Variants in FBXL2 observed in about 807,000 individuals in gnomAD.
FBXL2 encodes the protein F-box/LRR-repeat protein 2.
A neutral mutation model predicts 69.2 loss-of-function variants in FBXL2; 38 were observed. That is an observed-to-expected ratio of 0.55 (90% CI 0.42 to 0.72). FBXL2 has a LOEUF of 0.72. Among genes scored for constraint, FBXL2 ranks in the 30% least tolerant of loss-of-function variants. FBXL2 has a pLI of 0.00. For missense variants in FBXL2, 354 were observed against 520.3 expected, an observed-to-expected ratio of 0.68 and a Z score of 3.11; for synonymous variants, 192 against 201.3, an observed-to-expected ratio of 0.95 and a Z score of 0.39.
At chr3:33,343,687 G>A (rs1297356197) in intron 2 of FBXL2, among the ~76,000 whole-genome samples, 3 of 151,902 alleles carry the variant, frequency 2.0e-5, no homozygotes, top group Non-Finnish European at 4.4e-5. Flanking sequence ...CAATTATATA[G>A]TGTAATTTTC....
chr3:33,357,556 G>T (rs944354760), intron 2 of FBXL2, among the ~76,000 whole-genome samples: 2 of 144,438 alleles, frequency 1.4e-5, no homozygotes, highest in African/African-American at 5.1e-5. Context: ...TTTTGAGACG[G>T]AGTCTCGCTG....
At chr3:33,286,867 G>A (rs559206237) in intron 1 of FBXL2, among the ~76,000 whole-genome samples, 3 of 152,164 alleles carry the variant, frequency 2.0e-5, no homozygotes, top group African/African-American at 7.2e-5. Flanking sequence ...CTGGTGTGCC[G>A]TTTGCTAAGA....
chr3:33,351,046 A>G (rs187588179), intron 2 of FBXL2, among the ~76,000 whole-genome samples: 4 of 152,128 alleles, frequency 2.6e-5, no homozygotes, highest in African/African-American at 9.6e-5. Flanking sequence ...CAGGTGGATC[A>G]CCTGAGGTCA....
Position 33,375,296 on chromosome 3 carries a change from G to T in FBXL2, c.666G>T (p.Thr222=), listed in dbSNP as rs187890901. ...GTGCTGCTTTTCCTCAGCGTATCAC[G>T]GATGAAGGTGTGGTGCAGATATGCA... is the stretch of plus-strand genomic sequence containing the variant. The part of the protein sequence containing the change: ...SLNLQSCSRI[T]DEGVVQICRG... The change falls in exon 10 of 15, where the codon ACG becomes ACT. Residue 222 remains threonine (T), a synonymous_variant. Transcript: ENST00000484457. 1 of 1,613,578 alleles carries T rather than the reference G, an allele frequency of 6.2e-7. No individual in the cohort carries two copies. The highest frequency in any genetic ancestry group is 8.5e-7 in the Non-Finnish European group (1 of 1,179,628).
intron 12 of FBXL2, chr3:33,393,149 T>C: frequency 1.3e-6 from 1 of 790,250 alleles, no homozygotes; most frequent in Admixed American, 3.6e-5. Flanking sequence ...CTAGGATGCC[T>C]GAAACTCTTG....
chr3:33,277,511 C>A lies in FBXL2; in HGVS notation c.-2C>A. 1 of 1,303,792 alleles carries A rather than the reference C, an allele frequency of 7.7e-7. No homozygotes were observed. Among genetic ancestry groups the A allele is most frequent in the Non-Finnish European group, 9.8e-7 (1 of 1,017,588 alleles). The allele number at this position is 1,303,792 out of a possible 1,614,324, so 80.8% of individuals were successfully genotyped here. A position where few individuals can be genotyped will look rare whatever the true frequency, so the allele number is the denominator to read the frequency against. On this transcript the variant is annotated 5_prime_UTR_variant, in exon 1 of 15. Transcript: ENST00000484457. ...TGTGGGCTCGCTCGCGGCTCTTCGG[C>A]CATGGTGAGTCTGGGACCCGCGTCT...
chr3:33,393,963 A>G (rs577470755), intron 12 of FBXL2, among the ~76,000 whole-genome samples: 7 of 152,194 alleles, frequency 4.6e-5, no homozygotes, highest in African/African-American at 1.4e-4. Flanking sequence ...AAAATAATAT[A>G]TACTTCATGT....
At chr3:33,310,320 T>G (rs2037078285) in intron 2 of FBXL2, among the ~76,000 whole-genome samples, 1 of 151,852 alleles carries the variant, frequency 6.6e-6, no homozygotes, top group Non-Finnish European at 1.5e-5. Context: ...CCTGGCTAAT[T>G]TTTTGTATTT....
In FBXL2 at chr3:33,394,482, A is replaced by G. The variant is rs76959195; in HGVS notation, n.1215-8752A>G. ...TATGAAAAGCTAATATAAACAATGA[A>G]GTGTGATGCTTCCTTACAGAAAGCC... On this transcript the variant is annotated intron_variant and non_coding_transcript_variant, in intron 12 of 12. Coordinates refer to the FBXL2 transcript ENST00000463736. Among the ~76,000 whole-genome samples the G allele has an allele frequency of 1.7e-3, 263 of 150,814 alleles. 7 individuals carry two copies. In the East Asian group the frequency reaches 0.047, roughly 27 times the overall value.
chr3:33,291,209 G>A (rs982066581), intron 1 of FBXL2, among the ~76,000 whole-genome samples: 3 of 152,164 alleles, frequency 2.0e-5, no homozygotes, highest in Admixed American at 6.5e-5. Context: ...AATTACAGGC[G>A]TGAGCTACTG....
chr3:33,355,177 C>T (rs956023409), intron 2 of FBXL2, among the ~76,000 whole-genome samples: 1 of 152,094 alleles, frequency 6.6e-6, no homozygotes, highest in African/African-American at 2.4e-5. Flanking sequence ...TGATCCTCCT[C>T]CCTTAGCCTT....
the FBXL2 span, among the ~76,000 whole-genome samples, chr3:33,414,508 T>A: frequency 6.6e-6 from 1 of 152,022 alleles, no homozygotes; most frequent in East Asian, 1.9e-4. Context: ...ATTCAAGAAG[T>A]TCCAAAGCAC....
intron 12 of FBXL2, among the ~76,000 whole-genome samples, chr3:33,399,954 G>GT (rs150854235): frequency 0.013 from 2,014 of 152,260 alleles, 18 homozygotes; most frequent in South Asian, 0.026. Context: ...ATGAGGTCAC[G>GT]TAAGTCTGGT....
In FBXL2 at chr3:33,371,167, T is replaced by TC. The variant is rs1210307187; in HGVS notation, c.291-1925_291-1924insC. ...TTTATATCAGCCATTGTGGTTTTCA[T>TC]TTTTTTTTTTTTTTTGAGATGGAGT... is the stretch of plus-strand genomic sequence containing the variant. On this transcript the variant is annotated intron_variant, in intron 5 of 14. Coordinates refer to ENST00000484457, the MANE Select transcript of FBXL2 (RefSeq NM_012157.5). Among the ~76,000 whole-genome samples the TC allele has an allele frequency of 4.0e-5, 3 of 75,698 alleles. No individual in the cohort carries two copies. In the Admixed American group the frequency reaches 5.9e-4, roughly 15 times the overall value. 49.7% of individuals were successfully genotyped at this position (75,698 alleles called of 152,430 possible).
At chr3:33,321,076 G>A (rs912156079) in intron 2 of FBXL2, among the ~76,000 whole-genome samples, 1 of 151,884 alleles carries the variant, frequency 6.6e-6, no homozygotes, top group Non-Finnish European at 1.5e-5. Flanking sequence ...TTGGGAGGCC[G>A]AGGCAGATGG....
At chr3:33,297,811 C>T in intron 2 of FBXL2, 86 bp downstream of exon 2, 1 of 830,072 alleles carries the variant, frequency 1.2e-6, no homozygotes, top group Non-Finnish European at 2.0e-6. Flanking sequence ...ACTGTGAGTC[C>T]ATAGCATAGA....
chr3:33,394,191 T>TTTATTA (rs148929407), intron 12 of FBXL2, among the ~76,000 whole-genome samples: 12,655 of 143,330 alleles, frequency 0.088, 697 homozygotes, highest in Non-Finnish European at 0.12. Context: ...CTGGCTAATT[T>TTTATTA]TTATTATTAT....
intron 2 of FBXL2, among the ~76,000 whole-genome samples, chr3:33,327,958 C>A (rs1426335153): frequency 2.4e-4 from 35 of 145,010 alleles, no homozygotes; most frequent in South Asian, 2.2e-4. Context: ...AAGAATCTAC[C>A]AAAAAAAAAA....
chr3:33,390,923 A>G (rs2043739215), downstream of FBXL2: 1 of 152,476 alleles, frequency 6.6e-6, no homozygotes, highest in South Asian at 2.1e-4. Flanking sequence ...AAAAAAAACA[A>G]AACAGTAAAT....
Sources: allele counts gnomAD v4.1 joint callset (sites outside exome capture counted in the v4.1 genomes callset), GRCh38; gene constraint gnomAD v4.1.1; transcripts MANE v1.5; gene names NCBI Gene and HGNC (gene_info 2026-07-23, HGNC 2026-07-21).